TCOF1: variants seen among roughly 807,000 people sequenced by gnomAD.
TCOF1 encodes treacle ribosome biogenesis factor 1, also known as treacle protein.
Under a neutral mutation model 149.0 loss-of-function variants are expected in TCOF1, and 33 were observed. That is an observed-to-expected ratio of 0.22 (90% CI 0.17 to 0.30). TCOF1 has a LOEUF of 0.30. Among genes scored for constraint, TCOF1 ranks in the 10% least tolerant of loss-of-function variants. TCOF1 has a pLI of 1.00. For missense variants in TCOF1, 1,728 were observed against 1,840.7 expected, an observed-to-expected ratio of 0.94 and a Z score of 1.12; for synonymous variants, 789 against 738.8, an observed-to-expected ratio of 1.07 and a Z score of -1.10.
intron 4 of TCOF1, 77 bp downstream of exon 4, chr5:150,367,994 A>C: frequency 6.5e-7 from 1 of 1,535,738 alleles, no homozygotes; most frequent in Admixed American, 1.7e-5. Context: ...CATGTCAGAG[A>C]AGGATAGGGT....
intron 14 of TCOF1, among the ~76,000 whole-genome samples, chr5:150,377,019 C>T (rs1763968469): frequency 6.6e-6 from 1 of 152,206 alleles, no homozygotes; most frequent in Non-Finnish European, 1.5e-5. Context: ...CGCAGCATGA[C>T]AGGTGAGAGC....
rs972503572 is a variant in TCOF1 at position 150,398,948 on chromosome 5, C to T, written c.4444-74C>T. On this transcript the variant is annotated intron_variant, in intron 25 of 26. Coordinates refer to ENST00000643257, the MANE Select transcript of TCOF1 (RefSeq NM_001371623.1). ...TCTATTCTAGGGGAATTCACTAGTC[C>T]TCAGGAGGTGGGGGCAGCAGTGGGT... 4 of 1,609,284 alleles carry T rather than the reference C, an allele frequency of 2.5e-6. No individual in the cohort carries two copies. In the African/African-American group the frequency reaches 5.3e-5, roughly 21 times the overall value.
Position 150,361,197 on chromosome 5 carries a change from T to C in TCOF1, c.150T>C (p.Tyr50=), listed in dbSNP as rs1759998654. ...LAQPVTLLDI[Y]THWQQTSELG... is the part of the protein sequence containing the mutation. Reference sequence around the variant, plus strand: ...AGCCCGTAACCCTTCTGGACATCTATACACACTGGCAACAGTAAGTGGTGG... The same window carrying C: ...AGCCCGTAACCCTTCTGGACATCTACACACACTGGCAACAGTAAGTGGTGG... The change falls in exon 2 of 27, where the codon TAT becomes TAC. Residue 50 remains tyrosine, a synonymous_variant. Coordinates refer to ENST00000643257, the MANE Select transcript of TCOF1 (RefSeq NM_001371623.1). 2 of 1,614,000 alleles carry C rather than the reference T, an allele frequency of 1.2e-6. No individual in the cohort carries two copies. The highest frequency in any genetic ancestry group is 1.1e-5 in the South Asian group (1 of 91,084).
At chr5:150,390,109 C>G in intron 19 of TCOF1, 86 bp downstream of exon 19, 3 of 1,539,792 alleles carry the variant, frequency 1.9e-6, no homozygotes, top group Non-Finnish European at 2.6e-6. Context: ...ATGGGATGGC[C>G]TGCAATTGCT....
Position 150,391,559 on chromosome 5 carries a change from C to A in TCOF1, c.3199C>A (p.Pro1067Thr), listed in dbSNP as rs749691550. The A allele has an allele frequency of 6.2e-7, 1 of 1,614,120 alleles. No individual in the cohort carries two copies. The highest frequency in any genetic ancestry group is 8.5e-7 in the Non-Finnish European group (1 of 1,180,016). Residue 1067 changes from proline (P) to threonine (T), a missense_variant, in exon 20 of 27, where the codon CCA (proline) becomes ACA (threonine). Physicochemically the swap from Pro to Thr is conservative, Grantham distance 38 (BLOSUM62 -1). This residue lies in a region of TCOF1 where 1,696 missense variants were observed against 1,765.4 expected (regional missense o/e 0.96). Transcript: ENST00000643257. Reference sequence around the variant, plus strand: ...CCACCCACAGGTGTCAAAGAAGAACCCAGCTTCCCTCCCACTGACCCAGGC... The same window carrying A: ...CCACCCACAGGTGTCAAAGAAGAACACAGCTTCCCTCCCACTGACCCAGGC... ...GPATQVSKKN[P>T]ASLPLTQAAL... is the part of the protein sequence containing the mutation.
In TCOF1 at chr5:150,399,869, A is replaced by T. The variant is rs1769422779; in HGVS notation, c.*82A>T. ...CTCTGACCTCCACCGACCTCTGCCCACCATGGGTTGGAACTAAACTGTTAC... is the reference window on the plus strand; with the variant it reads ...CTCTGACCTCCACCGACCTCTGCCCTCCATGGGTTGGAACTAAACTGTTAC... On this transcript the variant is annotated 3_prime_UTR_variant, in exon 27 of 27. Transcript: ENST00000643257. 6.6e-6 allele frequency: 1 copy of T among 152,410 alleles called. No homozygotes were observed. The allele number at this position is 152,410 out of a possible 1,614,324, so 9.4% of individuals were successfully genotyped here.
At chr5:150,381,169 C>G (rs562967336) in intron 17 of TCOF1, among the ~76,000 whole-genome samples, 1 of 152,152 alleles carries the variant, frequency 6.6e-6, no homozygotes, top group South Asian at 2.1e-4. Flanking sequence ...GTGGCCAGGT[C>G]TTCCATTTCT....
At position 150,399,075 on chromosome 5, in the gene TCOF1, G is replaced by A. The variant is rs750964531; in HGVS notation, c.*22+5G>A. On this transcript the variant is annotated splice_donor_5th_base_variant and intron_variant, in intron 26 of 26. Coordinates refer to ENST00000643257, the MANE Select transcript of TCOF1 (RefSeq NM_001371623.1). ...GAGCACCAGCACCAGGCACAGGTACGCTTCCCAATCATTCCTGAGCATTCA... is the reference window on the plus strand; with the variant it reads ...GAGCACCAGCACCAGGCACAGGTACACTTCCCAATCATTCCTGAGCATTCA... The A allele has an allele frequency of 2.4e-5, 39 of 1,614,114 alleles. No individual in the cohort carries two copies. The highest frequency in any genetic ancestry group is 3.0e-5 in the Non-Finnish European group (35 of 1,180,042).
chr5:150,392,533 C>G (rs1236587256), intron 21 of TCOF1, 172 bp from the exon 22 acceptor site: 2 of 668,592 alleles, frequency 3.0e-6, no homozygotes, highest in Non-Finnish European at 5.3e-6. Flanking sequence ...CATGCTGTGA[C>G]TAGCGATAAG....
At chr5:150,397,685 G>A (rs111348803) in intron 24 of TCOF1, among the ~76,000 whole-genome samples, 2 of 152,266 alleles carry the variant, frequency 1.3e-5, no homozygotes, top group South Asian at 4.1e-4. Context: ...ACAAAAGTCG[G>A]GCACCCTCAG....
intron 6 of TCOF1, 101 bp downstream of exon 6, chr5:150,369,703 C>A: frequency 7.6e-7 from 1 of 1,314,370 alleles, no homozygotes; most frequent in Non-Finnish European, 1.1e-6. Flanking sequence ...ATGAGTTCAG[C>A]AACTGTGGTA....
chr5:150,399,579 C>T (rs78540423), intron 26 of TCOF1, among the ~76,000 whole-genome samples: 8,940 of 152,174 alleles, frequency 0.059, 284 homozygotes, highest in Non-Finnish European at 0.076. Context: ...GTCACCCAGC[C>T]TCCTGTAAAT....
rs1763314201 is a variant in TCOF1, at chr5:150,374,687, G to C, written c.1154G>C (p.Gly385Ala). 6.2e-7 allele frequency: 1 copy of C among 1,613,622 alleles called. No homozygotes were observed. Among genetic ancestry groups the C allele is most frequent in the East Asian group, 2.2e-5 (1 of 44,832 alleles). The change falls in exon 9 of 27, where the codon GGA becomes GCA. Residue 385 changes from glycine (G) to alanine (A), a missense_variant. Transcript: ENST00000643257. ...SAPAKESPRK[G>A]AAPAPPGKTG... ...CCTGCCAAGGAGTCCCCCAGGAAAG[G>C]AGCTGCCCCAGCGCCCCCTGGGAAG...
At chr5:150,374,881 C>T (rs1445727345) in intron 9 of TCOF1, 70 bp downstream of exon 9, 2 of 1,611,896 alleles carry the variant, frequency 1.2e-6, no homozygotes, top group African/African-American at 2.7e-5. Context: ...GTGTGGCCAC[C>T]TTTGCCACAT....
At chr5:150,373,175 G>C (rs1394366694) in intron 7 of TCOF1, among the ~76,000 whole-genome samples, 1 of 152,072 alleles carries the variant, frequency 6.6e-6, no homozygotes, top group Non-Finnish European at 1.5e-5. Context: ...TCACTCCTGA[G>C]TAGCTAGGAA....
At chr5:150,380,346 A>G (rs1223520203) in intron 17 of TCOF1, 2 of 161,802 alleles carry the variant, frequency 1.2e-5, no homozygotes, top group Admixed American at 1.1e-4. Flanking sequence ...TATGAGACCA[A>G]GAATCTACAT....
chr5:150,382,727 C>T (rs1765477274), intron 17 of TCOF1, among the ~76,000 whole-genome samples: 1 of 152,260 alleles, frequency 6.6e-6, no homozygotes, highest in Non-Finnish European at 1.5e-5. Context: ...GCTGGGACCA[C>T]TGGCTTGTGC....
intron 22 of TCOF1, 150 bp from the exon 23 acceptor site, chr5:150,393,222 C>G (rs928668499): frequency 1.2e-4 from 108 of 880,194 alleles, no homozygotes; most frequent in Non-Finnish European, 1.9e-4. Context: ...AAGTGCTGCT[C>G]TGTGCCTTGT....
chr5:150,398,311 G>A, intron 24 of TCOF1, 43 bp from the exon 25 acceptor site: 1 of 1,611,618 alleles, frequency 6.2e-7, no homozygotes, highest in Non-Finnish European at 8.5e-7. Flanking sequence ...CAGCACTTAG[G>A]ATTACCATCT....
Sources: gnomAD v4.1 joint callset for allele counts (sites outside exome capture counted in the v4.1 genomes callset) on GRCh38, gnomAD v4.1.1 for gene constraint, gnomAD v4.1.1 regional missense constraint, MANE v1.5 for transcripts, NCBI Gene and HGNC (gene_info 2026-07-23, HGNC 2026-07-21) for gene names.